SPRED1: variants seen among roughly 807,000 people sequenced by gnomAD.
The protein encoded by SPRED1 is sprouty related EVH1 domain containing 1, also known as sprouty-related, EVH1 domain-containing protein 1.
A neutral mutation model predicts 52.3 loss-of-function variants in SPRED1; 18 were observed. The ratio of observed to expected loss-of-function variants is 0.34; its 90% CI spans 0.24 to 0.51. SPRED1 has a LOEUF of 0.51. Ranked by LOEUF, SPRED1 falls within the 20% of genes least tolerant of loss-of-function variation. The pLI, the probability that SPRED1 is intolerant of heterozygous loss-of-function variation, is 0.97. For missense variants in SPRED1, 485 were observed against 551.0 expected (o/e 0.88, Z 1.20); for synonymous variants, 155 against 179.7 (o/e 0.86, Z 1.10).
intron 2 of SPRED1, among the ~76,000 whole-genome samples, chr15:38,307,864 T>C (rs1009459140): frequency 3.3e-5 from 5 of 152,188 alleles, no homozygotes; most frequent in Non-Finnish European, 7.3e-5. Context: ...TGTAGGTACA[T>C]TTACTTAAGT....
chr15:38,259,335 C>A (rs1180810900), intron 1 of SPRED1, among the ~76,000 whole-genome samples: 2 of 152,160 alleles, frequency 1.3e-5, no homozygotes, highest in African/African-American at 4.8e-5. Context: ...TAGCTCACTG[C>A]AGCCTTGAAC....
intron 3 of SPRED1, 21 bp from the exon 4 acceptor site, chr15:38,324,742 A>G: frequency 6.3e-7 from 1 of 1,583,008 alleles, no homozygotes; most frequent in African/African-American, 1.3e-5. Context: ...ATACTTAATT[A>G]ACTTTTATCT....
At position 38,342,114 on chromosome 15, in the gene SPRED1, A is replaced by G. The variant is rs550392651; in HGVS notation, c.582+2219A>G. On this transcript the variant is annotated intron_variant, in intron 5 of 6. Transcript: ENST00000299084. ...ACTTTTAGCACAATTATTGATATAA[A>G]TCTACCATTTTATTCATTTTTTATT... Among the ~76,000 whole-genome samples, 27 of 150,422 alleles carry G rather than the reference A, an allele frequency of 1.8e-4. No homozygotes were observed. The East Asian group carries it at 4.7e-3, about 26-fold the overall frequency.
At chr15:38,325,163 T>C (rs2140996941) in intron 4 of SPRED1, among the ~76,000 whole-genome samples, 1 of 152,082 alleles carries the variant, frequency 6.6e-6, no homozygotes, top group East Asian at 1.9e-4. Context: ...AGTATGGACA[T>C]GACACCTCAA....
chr15:38,298,165 AC>A (rs1895076010), intron 1 of SPRED1, among the ~76,000 whole-genome samples: 1 of 152,194 alleles, frequency 6.6e-6, no homozygotes, highest in Non-Finnish European at 1.5e-5. Context: ...GTGGGATACC[AC>A]TATATACTCA....
chr15:38,286,191 A>AGT, intron 1 of SPRED1, among the ~76,000 whole-genome samples: 1 of 132,270 alleles, frequency 7.6e-6, no homozygotes, highest in Admixed American at 8.8e-5. Context: ...TTGAAGCTGT[A>AGT]GTGAGCTATG....
At chr15:38,327,108 T>C (rs1009045902) in intron 4 of SPRED1, among the ~76,000 whole-genome samples, 15 of 152,092 alleles carry the variant, frequency 9.9e-5, no homozygotes, top group Non-Finnish European at 1.9e-4. Context: ...AGAGAAGCAA[T>C]ATATATTCAA....
chr15:38,325,294 T>C (rs74007154), intron 4 of SPRED1, among the ~76,000 whole-genome samples: 6,321 of 152,266 alleles, frequency 0.042, 446 homozygotes, highest in African/African-American at 0.14. Flanking sequence ...CTGTGTGTTA[T>C]AAGGTGTATA....
At chr15:38,324,612 A>G (rs934232696) in intron 3 of SPRED1, 151 bp from the exon 4 acceptor site, 39 of 620,934 alleles carry the variant, frequency 6.3e-5, no homozygotes, top group Non-Finnish European at 1.1e-4. Flanking sequence ...ACAGGGGCAA[A>G]TGCAAGTGGC....
intron 4 of SPRED1, among the ~76,000 whole-genome samples, chr15:38,333,391 A>G (rs1219648784): frequency 6.6e-6 from 1 of 152,196 alleles, no homozygotes; most frequent in Non-Finnish European, 1.5e-5. Context: ...CAGGTACATC[A>G]ATATTTGTAA....
chr15:38,304,146 G>A (rs765984916), intron 2 of SPRED1, among the ~76,000 whole-genome samples: 1 of 152,122 alleles, frequency 6.6e-6, no homozygotes, highest in African/African-American at 2.4e-5. Context: ...TTATAATATA[G>A]CAGTAGCTTT....
At chr15:38,267,415 G>A (rs1894332129) in intron 1 of SPRED1, among the ~76,000 whole-genome samples, 3 of 152,168 alleles carry the variant, frequency 2.0e-5, no homozygotes, top group African/African-American at 2.4e-5. Flanking sequence ...ATTTACAGGA[G>A]TGGGATAAGT....
At chr15:38,280,716 T>C (rs553744162) in intron 1 of SPRED1, among the ~76,000 whole-genome samples, 2 of 152,318 alleles carry the variant, frequency 1.3e-5, no homozygotes, top group East Asian at 3.9e-4. Flanking sequence ...AAAGCCCTTG[T>C]TTGCCAAACC....
At chr15:38,275,466 G>T (rs1444580286) in intron 1 of SPRED1, among the ~76,000 whole-genome samples, 1 of 152,126 alleles carries the variant, frequency 6.6e-6, no homozygotes, top group East Asian at 1.9e-4. Context: ...TGCTAGATGT[G>T]CTAATTGGCT....
chr15:38,323,220 G>T (rs1245599382), intron 3 of SPRED1, among the ~76,000 whole-genome samples: 2 of 152,062 alleles, frequency 1.3e-5, no homozygotes, highest in African/African-American at 4.8e-5. Context: ...TCACAGGCAA[G>T]AACATGGAAA....
intron 1 of SPRED1, among the ~76,000 whole-genome samples, chr15:38,291,758 C>CT (rs1894928831): frequency 6.6e-6 from 1 of 152,164 alleles, no homozygotes; most frequent in Admixed American, 6.5e-5. Flanking sequence ...AGTCCTTAGG[C>CT]TACACACAGC....
At chr15:38,322,189 T>C in intron 2 of SPRED1, 52 bp from the exon 3 acceptor site, 1 of 1,535,202 alleles carries the variant, frequency 6.5e-7, no homozygotes, top group East Asian at 2.3e-5. Context: ...ATGAGCTACA[T>C]TAGATGCATT....
chr15:38,340,471 C>A (rs1896005247), intron 5 of SPRED1, among the ~76,000 whole-genome samples: 1 of 152,096 alleles, frequency 6.6e-6, no homozygotes, highest in African/African-American at 2.4e-5. Flanking sequence ...GTCAGTATTT[C>A]ATCTTGGATT....
In SPRED1 at chr15:38,351,612, G is replaced by T. The variant is rs369492789; in HGVS notation, c.1283G>T (p.Arg428Leu). ...TACGTCCCTTTGAGAATGTGCCATC[G>T]CTGTGGTGAGGCATGTGGTTGCTGT... ...CCYVPLRMCH[R>L]CGEACGCCGG... Residue 428 changes from arginine to leucine, a missense_variant, in exon 7 of 7, where the codon CGC becomes CTC. This residue lies in a region of SPRED1 where 205 missense variants were observed against 245.2 expected (regional missense o/e 0.84). Coordinates refer to ENST00000299084, the MANE Select transcript of SPRED1 (RefSeq NM_152594.3). The T allele has an allele frequency of 6.2e-7, 1 of 1,614,024 alleles. No homozygotes were observed. Among genetic ancestry groups the T allele is most frequent in the South Asian group, 1.1e-5 (1 of 91,082 alleles).
Sources: gnomAD v4.1 joint callset for allele counts (sites outside exome capture counted in the v4.1 genomes callset) on GRCh38, gnomAD v4.1.1 for gene constraint, gnomAD v4.1.1 regional missense constraint, MANE v1.5 for transcripts, NCBI Gene and HGNC (gene_info 2026-07-23, HGNC 2026-07-21) for gene names.